BABAM2: variants seen among roughly 807,000 people sequenced by gnomAD.
BABAM2 encodes BRISC and BRCA1-A complex member 2.
A neutral mutation model predicts 54.7 loss-of-function variants in BABAM2; 31 were observed. The ratio of observed to expected loss-of-function variants is 0.57; its 90% CI spans 0.43 to 0.77. The LOEUF is 0.77. Among genes scored for constraint, BABAM2 ranks in the 30% least tolerant of loss-of-function variants. The pLI, the probability that BABAM2 is intolerant of heterozygous loss-of-function variation, is 0.00. For synonymous variants in BABAM2, 167 were observed against 162.9 expected, an observed-to-expected ratio of 1.03 and a Z score of -0.19; for missense variants, 364 against 455.8, an observed-to-expected ratio of 0.80 and a Z score of 1.83.
chr2:28,076,143 C>A (rs1227433213), intron 6 of BABAM2, among the ~76,000 whole-genome samples: 1 of 151,936 alleles, frequency 6.6e-6, no homozygotes, highest in Admixed American at 6.6e-5. Context: ...GGCATGGTGG[C>A]ATGCACTTGT....
chr2:28,017,787 G>A (rs1393179641), intron 4 of BABAM2, among the ~76,000 whole-genome samples: 1 of 152,136 alleles, frequency 6.6e-6, no homozygotes, highest in Non-Finnish European at 1.5e-5. Flanking sequence ...TGGCCTTTAG[G>A]TCTGGCTTCT....
At chr2:28,097,832 A>G (rs1666754113) in intron 6 of BABAM2, among the ~76,000 whole-genome samples, 1 of 152,152 alleles carries the variant, frequency 6.6e-6, no homozygotes, top group Non-Finnish European at 1.5e-5. Flanking sequence ...TCGTTGTCTT[A>G]CTGTTTACTC....
intron 5 of BABAM2, among the ~76,000 whole-genome samples, chr2:28,031,010 T>G (rs1676258333): frequency 6.6e-6 from 1 of 152,158 alleles, no homozygotes; most frequent in Non-Finnish European, 1.5e-5. Context: ...TTTAAAGAAA[T>G]TAAGTTCAGA....
At chr2:28,044,148 GTTA>G (rs1677364234) in intron 5 of BABAM2, among the ~76,000 whole-genome samples, 1 of 152,096 alleles carries the variant, frequency 6.6e-6, no homozygotes, top group Non-Finnish European at 1.5e-5. Flanking sequence ...GCAGATATTA[GTTA>G]TTATTATTAT....
intron 10 of BABAM2, among the ~76,000 whole-genome samples, chr2:28,293,980 A>G (rs759634944): frequency 4.6e-5 from 7 of 152,220 alleles, no homozygotes; most frequent in Non-Finnish European, 1.0e-4. Context: ...TGTATATGGG[A>G]AGAAGGAAAT....
chr2:28,096,377 C>CAA (rs10594441), intron 6 of BABAM2, among the ~76,000 whole-genome samples: 4 of 139,534 alleles, frequency 2.9e-5, no homozygotes, highest in Non-Finnish European at 4.8e-5. Context: ...TGTTGATCAG[C>CAA]AAAAAAAAAA....
At position 27,949,402 on chromosome 2, in the gene BABAM2, T is replaced by TG. The variant is rs1435410328; in HGVS notation, c.205+19497dup. Among the ~76,000 whole-genome samples, 7 of 151,980 alleles carry TG rather than the reference T, an allele frequency of 4.6e-5. No individual in the cohort carries two copies. In the East Asian group the frequency reaches 1.4e-3, roughly 29 times the overall value. On this transcript the variant is annotated intron_variant, in intron 3 of 11. Transcript: ENST00000379624. ...ACAAAAAATTAGCCAGGCGTGGTGATGGGTGCCTGTGATCCCAGGTACTTG... is the reference window on the plus strand; with the variant it reads ...ACAAAAAATTAGCCAGGCGTGGTGATGGGGTGCCTGTGATCCCAGGTACTTG...
chr2:28,185,996 C>T (rs556048723), intron 7 of BABAM2, among the ~76,000 whole-genome samples: 1 of 152,322 alleles, frequency 6.6e-6, no homozygotes, highest in African/African-American at 2.4e-5. Context: ...GGATACCCAA[C>T]TTGTAAAGCA....
rs116621676 is a variant in BABAM2 at position 27,988,471 on chromosome 2, T to G, written c.300+384T>G. ...CGTTAGGAGAGTGTTTCTTGGCTCT[T>G]CAAGGAGCCGTTTTTATATAGAAGT... On this transcript the variant is annotated intron_variant, in intron 4 of 11. Coordinates refer to ENST00000379624, the MANE Select transcript of BABAM2 (RefSeq NM_199191.3). 5.2e-3 allele frequency among the ~76,000 whole-genome samples: 798 copies of G among 152,316 alleles called. 6 individuals carry two copies. The highest frequency in any genetic ancestry group is 0.018 in the African/African-American group (752 of 41,584).
chr2:28,179,349 G>T (rs550132377), intron 7 of BABAM2, among the ~76,000 whole-genome samples: 54 of 152,190 alleles, frequency 3.5e-4, no homozygotes, highest in African/African-American at 1.2e-3. Flanking sequence ...CAAAAGATAC[G>T]ATATAGCCAT....
At chr2:28,175,546 C>T (rs1381269015) in intron 7 of BABAM2, among the ~76,000 whole-genome samples, 1 of 152,252 alleles carries the variant, frequency 6.6e-6, no homozygotes, top group Non-Finnish European at 1.5e-5. Context: ...GCCACCATCA[C>T]AGCCAGCACC....
intron 2 of BABAM2, among the ~76,000 whole-genome samples, chr2:27,913,942 T>A (rs1306253713): frequency 6.6e-6 from 1 of 152,226 alleles, no homozygotes; most frequent in Non-Finnish European, 1.5e-5. Context: ...TTTGTTACAT[T>A]CTCTTGTTAC....
chr2:28,192,787 G>A (rs1013698805), intron 7 of BABAM2, among the ~76,000 whole-genome samples: 4 of 151,980 alleles, frequency 2.6e-5, no homozygotes, highest in African/African-American at 9.7e-5. Context: ...CTCCCAAAGT[G>A]CTGTGATTAC....
chr2:28,319,332 T>C (rs11682562), intron 11 of BABAM2, among the ~76,000 whole-genome samples: 1 of 152,220 alleles, frequency 6.6e-6, no homozygotes, highest in African/African-American at 2.4e-5. Flanking sequence ...GTAGAAGCTG[T>C]CCCTTTGTCT....
At chr2:28,061,886 C>T (rs1221555212) in intron 6 of BABAM2, among the ~76,000 whole-genome samples, 1 of 152,046 alleles carries the variant, frequency 6.6e-6, no homozygotes, top group Admixed American at 6.6e-5. Flanking sequence ...AAGGGAGTCC[C>T]AAACACTTTG....
chr2:27,982,028 T>A (rs1672042966), intron 3 of BABAM2, among the ~76,000 whole-genome samples: 1 of 152,180 alleles, frequency 6.6e-6, no homozygotes, highest in African/African-American at 2.4e-5. Flanking sequence ...TATTATTATA[T>A]GTCTTTTTGA....
chr2:28,203,959 T>TATTG (rs1461419404), intron 7 of BABAM2, among the ~76,000 whole-genome samples: 1 of 152,236 alleles, frequency 6.6e-6, no homozygotes, highest in Non-Finnish European at 1.5e-5. Flanking sequence ...TCCTTGCCAA[T>TATTG]ACTTTGTATT....
At chr2:28,320,632 G>A (rs755500351) in intron 11 of BABAM2, among the ~76,000 whole-genome samples, 16 of 152,240 alleles carry the variant, frequency 1.1e-4, no homozygotes, top group Non-Finnish European at 2.1e-4. Flanking sequence ...GCCAGGCATA[G>A]GTTGGCAGCA....
chr2:28,123,746 C>G (rs1379306511), intron 6 of BABAM2, among the ~76,000 whole-genome samples: 1 of 152,126 alleles, frequency 6.6e-6, no homozygotes, highest in East Asian at 1.9e-4. Context: ...AATCAAATAC[C>G]ATTTCGGGGA....
Sources: allele counts gnomAD v4.1 joint callset (sites outside exome capture counted in the v4.1 genomes callset), GRCh38; gene constraint gnomAD v4.1.1; transcripts MANE v1.5; gene names NCBI Gene and HGNC (gene_info 2026-07-23, HGNC 2026-07-21).